AMBRA1: variants seen among roughly 807,000 people sequenced by gnomAD.
AMBRA1 encodes the protein autophagy and beclin 1 regulator 1.
Under a neutral mutation model 125.4 loss-of-function variants are expected in AMBRA1, and 47 were observed. The ratio of observed to expected loss-of-function variants is 0.37; its 90% CI spans 0.30 to 0.48. The LOEUF (loss-of-function observed/expected upper bound fraction) is 0.48. Among genes scored for constraint, AMBRA1 ranks in the 20% least tolerant of loss-of-function variants. AMBRA1 has a pLI of 0.99. For missense variants in AMBRA1, 1,331 were observed against 1,693.4 expected, an observed-to-expected ratio of 0.79 and a Z score of 3.76; for synonymous variants, 626 against 655.5, an observed-to-expected ratio of 0.95 and a Z score of 0.69.
At chr11:46,584,855 T>C (rs1193395385) in intron 1 of AMBRA1, among the ~76,000 whole-genome samples, 1 of 152,130 alleles carries the variant, frequency 6.6e-6, no homozygotes, top group Non-Finnish European at 1.5e-5. Flanking sequence ...GTGGATCACC[T>C]GAGGTCAGGA....
intron 12 of AMBRA1, among the ~76,000 whole-genome samples, chr11:46,441,330 A>G (rs1477959741): frequency 1.3e-5 from 2 of 152,172 alleles, no homozygotes; most frequent in Non-Finnish European, 1.5e-5. Context: ...CCTGGCCAAT[A>G]TGGCAAAACC....
intron 1 of AMBRA1, among the ~76,000 whole-genome samples, chr11:46,579,108 A>G (rs1044650291): frequency 2.0e-5 from 3 of 151,796 alleles, no homozygotes; most frequent in Non-Finnish European, 2.9e-5. Context: ...CAAAATACAA[A>G]GAACCATTCA....
chr11:46,490,525 C>A (rs1160223873), intron 11 of AMBRA1, among the ~76,000 whole-genome samples: 1 of 152,084 alleles, frequency 6.6e-6, no homozygotes, highest in African/African-American at 2.4e-5. Flanking sequence ...TAGAACGGAT[C>A]TTGATTTTCC....
intron 1 of AMBRA1, among the ~76,000 whole-genome samples, chr11:46,592,829 C>A (rs968006137): frequency 3.9e-5 from 6 of 152,038 alleles, no homozygotes; most frequent in Non-Finnish European, 7.4e-5. Flanking sequence ...CAGACCCTCA[C>A]AGGACAAGCG....
At chr11:46,433,248 G>A (rs2029378) in intron 14 of AMBRA1, among the ~76,000 whole-genome samples, 1,838 of 152,280 alleles carry the variant, frequency 0.012, 45 homozygotes, top group African/African-American at 0.042. Context: ...AGGCCTCTGG[G>A]GAATGCAGCA....
At chr11:46,545,166 G>T (rs868499550) in intron 5 of AMBRA1, among the ~76,000 whole-genome samples, 4 of 128,356 alleles carry the variant, frequency 3.1e-5, no homozygotes, top group East Asian at 4.3e-4. Context: ...AAAGCCGGGG[G>T]GGGGGGGGTG....
rs906289409 is a variant in AMBRA1, at chr11:46,559,362, A to C, written c.-120-10862T>G. On this transcript the variant is annotated intron_variant, in intron 1 of 17. Transcript: ENST00000683756. ...TTTGCACCATTACCAACCTAATTTC[A>C]GCCAGTCATTTCATTACGCACATGT... 3.3e-5 allele frequency among the ~76,000 whole-genome samples: 5 copies of C among 152,164 alleles called. No individual in the cohort carries two copies. In the South Asian group the frequency reaches 1.0e-3, roughly 32 times the overall value.
At chr11:46,470,588 CAAA>C (rs766521795) in intron 11 of AMBRA1, among the ~76,000 whole-genome samples, 2 of 53,452 alleles carry the variant, frequency 3.7e-5, no homozygotes, top group Non-Finnish European at 3.7e-5. Flanking sequence ...GACTCCGTCT[CAAA>C]AAAAAAAAAA....
At chr11:46,439,850 T>C (rs1947915311) in intron 12 of AMBRA1, among the ~76,000 whole-genome samples, 2 of 151,802 alleles carry the variant, frequency 1.3e-5, no homozygotes, top group Admixed American at 6.6e-5. Context: ...TGGCTGTGTA[T>C]ATGAAGAGGC....
In AMBRA1 at chr11:46,402,312, G is replaced by A. The variant is rs547199817; in HGVS notation, c.3404-4369C>T. Among the ~76,000 whole-genome samples, 49 of 152,300 alleles carry A rather than the reference G, an allele frequency of 3.2e-4. 1 individual carries two copies. The highest frequency in any genetic ancestry group is 1.1e-3 in the African/African-American group (47 of 41,556). ...CTCCTCACAGGGGCTCCAGACTTAAGGATGCTTGGAAAACCGGTCTTGTAA... is the reference window on the plus strand; with the variant it reads ...CTCCTCACAGGGGCTCCAGACTTAAAGATGCTTGGAAAACCGGTCTTGTAA... On this transcript the variant is annotated intron_variant, in intron 17 of 17. Transcript: ENST00000683756.
At position 46,536,766 on chromosome 11, in the gene AMBRA1, C is replaced by A. The variant is rs142408752; in HGVS notation, c.2072+5179G>T. Among the ~76,000 whole-genome samples, 994 of 152,332 alleles carry A rather than the reference C, an allele frequency of 6.5e-3. 7 individuals are homozygous for A. Among genetic ancestry groups the A allele is most frequent in the African/African-American group, 0.022 (920 of 41,568 alleles). ...TCAAAGGGCTTCAGACTGTTCTAAGCTCCAAAGCAATTCCCCCATAAAAGT... is the reference window on the plus strand; with the variant it reads ...TCAAAGGGCTTCAGACTGTTCTAAGATCCAAAGCAATTCCCCCATAAAAGT... On this transcript the variant is annotated intron_variant, in intron 7 of 17. Transcript: ENST00000683756.
At chr11:46,565,890 A>G (rs555603557) in intron 1 of AMBRA1, among the ~76,000 whole-genome samples, 1 of 151,948 alleles carries the variant, frequency 6.6e-6, no homozygotes, top group South Asian at 2.1e-4. Context: ...CTCCCACCTC[A>G]GCCACCCAAG....
At chr11:46,479,001 C>G (rs1949945688) in intron 11 of AMBRA1, among the ~76,000 whole-genome samples, 1 of 152,106 alleles carries the variant, frequency 6.6e-6, no homozygotes, top group Admixed American at 6.5e-5. Flanking sequence ...GAGTTTAAGA[C>G]CAGTCTGGGC....
At chr11:46,547,002 C>CG in intron 4 of AMBRA1, 111 bp downstream of exon 4, 1 of 980,018 alleles carries the variant, frequency 1.0e-6, no homozygotes, top group East Asian at 2.6e-5. Context: ...ACCTGGGAGA[C>CG]GGAGGTTGCA....
intron 1 of AMBRA1, among the ~76,000 whole-genome samples, chr11:46,592,986 G>A (rs929846679): frequency 1.3e-5 from 2 of 149,114 alleles, no homozygotes; most frequent in African/African-American, 2.6e-5. Context: ...AGGAAACAAA[G>A]TAGACAACAA....
At chr11:46,421,876 T>C (rs898553874) in intron 14 of AMBRA1, among the ~76,000 whole-genome samples, 1 of 152,186 alleles carries the variant, frequency 6.6e-6, no homozygotes, top group Non-Finnish European at 1.5e-5. Flanking sequence ...GGACTGGCTC[T>C]GTAAACCCAA....
At chr11:46,528,927 A>C (rs1952097532) in intron 7 of AMBRA1, among the ~76,000 whole-genome samples, 1 of 152,184 alleles carries the variant, frequency 6.6e-6, no homozygotes, top group Admixed American at 6.5e-5. Flanking sequence ...GGAAAAAAGC[A>C]GAAGAGGCAA....
chr11:46,592,319 C>G (rs542227330), intron 1 of AMBRA1, among the ~76,000 whole-genome samples: 16 of 152,106 alleles, frequency 1.1e-4, no homozygotes, highest in Non-Finnish European at 1.8e-4. Context: ...GACTTAGTCC[C>G]CAGACTTTCC....
At chr11:46,582,845 T>C (rs1340833719) in intron 1 of AMBRA1, among the ~76,000 whole-genome samples, 1 of 150,472 alleles carries the variant, frequency 6.6e-6, no homozygotes, top group Non-Finnish European at 1.5e-5. Context: ...ATTTGCTAGA[T>C]AAACAAAAGT....
Sources: allele counts gnomAD v4.1 joint callset (sites outside exome capture counted in the v4.1 genomes callset), GRCh38; gene constraint gnomAD v4.1.1; transcripts MANE v1.5; gene names NCBI Gene and HGNC (gene_info 2026-07-23, HGNC 2026-07-21).